NSL1: variants seen among roughly 807,000 people sequenced by gnomAD.
NSL1 encodes NSL1 component of MIS12 kinetochore complex.
NSL1 carries 11 observed loss-of-function variants against 25.4 expected under a neutral mutation model. The ratio of observed to expected loss-of-function variants is 0.43; its 90% CI spans 0.27 to 0.72. The LOEUF (loss-of-function observed/expected upper bound fraction) is 0.72, where lower values mean the gene tolerates loss of function less well. Ranked by LOEUF, NSL1 falls within the 30% of genes least tolerant of loss-of-function variation. NSL1 has a pLI of 0.19. For synonymous variants in NSL1, 118 were observed against 120.6 expected, an observed-to-expected ratio of 0.98 and a Z score of 0.14; for missense variants, 330 against 342.7, an observed-to-expected ratio of 0.96 and a Z score of 0.29.
intron 4 of NSL1, among the ~76,000 whole-genome samples, chr1:212,754,888 G>C (rs898907157): frequency 2.6e-5 from 4 of 151,996 alleles, no homozygotes; most frequent in African/African-American, 4.8e-5. Flanking sequence ...CCAAGCCTGG[G>C]CCTGGACCAA....
chr1:212,729,539 T>C lies in NSL1; in HGVS notation c.*8869A>G. 1.0e-6 allele frequency: 1 copy of C among 985,396 alleles called. No homozygotes were observed. Among genetic ancestry groups the C allele is most frequent in the Non-Finnish European group, 1.2e-6 (1 of 829,924 alleles). The allele number at this position is 985,396 out of a possible 1,614,324, so 61.0% of individuals were successfully genotyped here. Reference sequence around the variant, plus strand: ...CCTGGAGCAGGGGTGCCCTACAACTTTGCCCATTTTTATTATTCTGCCAGT... The same window carrying C: ...CCTGGAGCAGGGGTGCCCTACAACTCTGCCCATTTTTATTATTCTGCCAGT... On this transcript the variant is annotated 3_prime_UTR_variant, in exon 6 of 6. Transcript: ENST00000366977.
rs765677540 is a variant in NSL1, at chr1:212,727,193, T to C, written c.*11215A>G. 8 of 1,534,760 alleles carry C rather than the reference T, an allele frequency of 5.2e-6. No individual in the cohort carries two copies. The highest frequency in any genetic ancestry group is 1.4e-5 in the African/African-American group (1 of 71,366). On this transcript the variant is annotated 3_prime_UTR_variant, in exon 6 of 6. Transcript: ENST00000366977. ...CAGGCTTGGCTCCTAATGTGTTAAA[T>C]GGGGGTGAATGGAATTTAGAAGATC...
chr1:212,766,645 TAAA>T (rs1235557027), intron 4 of NSL1, among the ~76,000 whole-genome samples: 1 of 122,464 alleles, frequency 8.2e-6, no homozygotes, highest in Non-Finnish European at 1.7e-5. Flanking sequence ...GACTCCATCT[TAAA>T]AAAAAAAAAA....
chr1:212,737,390 G>GA lies in NSL1; in HGVS notation c.*1017dup. 3 of 984,400 alleles carry GA rather than the reference G, an allele frequency of 3.0e-6. No individual in the cohort carries two copies. The highest frequency in any genetic ancestry group is 3.6e-6 in the Non-Finnish European group (3 of 829,028). The allele number at this position is 984,400 out of a possible 1,614,324, so 61.0% of individuals were successfully genotyped here. On this transcript the variant is annotated 3_prime_UTR_variant, in exon 6 of 6. Coordinates refer to ENST00000366977, the MANE Select transcript of NSL1 (RefSeq NM_015471.4). ...AACCTCATGATCAGTAAATTCCTTT[G>GA]AAAAATGAATGAAGGTATCAGAGTC...
In NSL1 at chr1:212,731,588, T is replaced by A. The variant is rs951870752; in HGVS notation, c.*6820A>T. ...TCTATGAGGCTTCTATCAAAAATTATCAGTCCCTGGCCCAGTTCCCCCACC... is the reference window on the plus strand; with the variant it reads ...TCTATGAGGCTTCTATCAAAAATTAACAGTCCCTGGCCCAGTTCCCCCACC... On this transcript the variant is annotated 3_prime_UTR_variant, in exon 6 of 6. Transcript: ENST00000366977. 3.0e-6 allele frequency: 3 copies of A among 985,300 alleles called. No individual in the cohort carries two copies. The African/African-American group carries it at 5.2e-5, about 17-fold the overall frequency. 61.0% of individuals were successfully genotyped at this position (985,300 alleles called of 1,614,324 possible). A position where few individuals can be genotyped will look rare whatever the true frequency, so the allele number is the denominator to read the frequency against.
chr1:212,784,754 T>C (rs1254461653), intron 2 of NSL1, among the ~76,000 whole-genome samples: 3 of 151,544 alleles, frequency 2.0e-5, no homozygotes, highest in Non-Finnish European at 2.9e-5. Flanking sequence ...TCTCTAAGAG[T>C]TCACAGTTTG....
At position 212,764,868 on chromosome 1, in the gene NSL1, A is replaced by G. The variant is rs1414359660; in HGVS notation, c.499+17504T>C. On this transcript the variant is annotated intron_variant, in intron 4 of 5. Coordinates refer to ENST00000366977, the MANE Select transcript of NSL1 (RefSeq NM_015471.4). ...CAAAAAAAAAAAAAAAAAAAAAAAA[A>G]AAAGAAAGAAAGAAAAAAAAAAGAA... is the stretch of plus-strand genomic sequence containing the variant. Among the ~76,000 whole-genome samples the G allele has an allele frequency of 7.7e-3, 1,065 of 137,816 alleles. 7 individuals are homozygous for G. The highest frequency in any genetic ancestry group is 0.03 in the African/African-American group (1,015 of 34,162). The allele number at this position is 137,816 out of a possible 152,430, so 90.4% of individuals were successfully genotyped here.
In NSL1 at chr1:212,732,694, C is replaced by T. The variant is rs1658073647; in HGVS notation, c.*5714G>A. The T allele has an allele frequency of 4.1e-6, 4 of 979,436 alleles. No homozygotes were observed. The Admixed American group carries it at 2.5e-4, about 60-fold the overall frequency. The allele number at this position is 979,436 out of a possible 1,614,324, so 60.7% of individuals were successfully genotyped here. A position where few individuals can be genotyped will look rare whatever the true frequency, so the allele number is the denominator to read the frequency against. ...TGCTGTGTTTTGGGAGCCTTAGTTT[C>T]CCAGATCCCATGGCTGCTGCTTTTT... On this transcript the variant is annotated 3_prime_UTR_variant, in exon 6 of 6. Transcript: ENST00000366977.
rs1479814380 is a variant in NSL1, at chr1:212,727,431, C to T, written c.*10977G>A. 1.0e-6 allele frequency: 1 copy of T among 985,376 alleles called. No individual in the cohort carries two copies. Among genetic ancestry groups the T allele is most frequent in the Non-Finnish European group, 1.2e-6 (1 of 829,920 alleles). 61.0% of individuals were successfully genotyped at this position (985,376 alleles called of 1,614,324 possible). ...TCCAAAATATACTCCTTGTAACAGA[C>T]ATTACCTAAATTTGGAAAAGTGACA... On this transcript the variant is annotated 3_prime_UTR_variant, in exon 6 of 6. Coordinates refer to ENST00000366977, the MANE Select transcript of NSL1 (RefSeq NM_015471.4).
chr1:212,751,613 A>T (rs942010343), intron 4 of NSL1, among the ~76,000 whole-genome samples: 13 of 152,208 alleles, frequency 8.5e-5, no homozygotes, highest in African/African-American at 3.1e-4. Context: ...TATAGAATTA[A>T]ATGTTTAAAC....
Position 212,752,818 on chromosome 1 carries a change from T to C in NSL1, c.500-13217A>G, listed in dbSNP as rs548159522. ...GATTGAGTAATCAACCTAGTTTTGC[T>C]TTCAGGTCACTGTACTGACTAAACT... On this transcript the variant is annotated intron_variant, in intron 4 of 5. Transcript: ENST00000366977. 7.9e-5 allele frequency among the ~76,000 whole-genome samples: 12 copies of C among 152,206 alleles called. No individual in the cohort carries two copies. The South Asian group carries it at 2.5e-3, about 32-fold the overall frequency.
rs1039884486 is a variant in NSL1, at chr1:212,729,525, G to T, written c.*8883C>A. The T allele has an allele frequency of 7.7e-5, 76 of 985,222 alleles. No homozygotes were observed. The highest frequency in any genetic ancestry group is 8.8e-5 in the Non-Finnish European group (73 of 829,918). The allele number at this position is 985,222 out of a possible 1,614,324, so 61.0% of individuals were successfully genotyped here. ...TGGGGTGTATGGGACCTGGAGCAGG[G>T]GTGCCCTACAACTTTGCCCATTTTT... On this transcript the variant is annotated 3_prime_UTR_variant, in exon 6 of 6. Transcript: ENST00000366977.
intron 4 of NSL1, among the ~76,000 whole-genome samples, chr1:212,744,341 G>A (rs7527216): frequency 0.2 from 30,955 of 151,950 alleles, 3,944 homozygotes; most frequent in African/African-American, 0.37. Flanking sequence ...AAAAGCTTTA[G>A]AAAAGTCACT....
Position 212,730,224 on chromosome 1 carries a change from T to C in NSL1, c.*8184A>G, listed in dbSNP as rs569069516. ...GAGATCGCTCCACTACACTCCAGCC[T>C]GGGTGACAGTCTCAAAAAAAAAAAA... On this transcript the variant is annotated 3_prime_UTR_variant, in exon 6 of 6. Coordinates refer to ENST00000366977, the MANE Select transcript of NSL1 (RefSeq NM_015471.4). 1 of 918,820 alleles carries C rather than the reference T, an allele frequency of 1.1e-6. No homozygotes were observed. The highest frequency in any genetic ancestry group is 5.3e-5 in the South Asian group (1 of 18,954). The allele number at this position is 918,820 out of a possible 1,614,324, so 56.9% of individuals were successfully genotyped here. A position where few individuals can be genotyped will look rare whatever the true frequency, so the allele number is the denominator to read the frequency against.
In NSL1 at chr1:212,754,558, C is replaced by T. The variant is rs183037228; in HGVS notation, c.500-14957G>A. On this transcript the variant is annotated intron_variant, in intron 4 of 5. Transcript: ENST00000366977. ...TAAGGAGGCTGAGATGGGTGGATCACGTGAGGTCAGGAGTTGGAGACTAGC... is the reference window on the plus strand; with the variant it reads ...TAAGGAGGCTGAGATGGGTGGATCATGTGAGGTCAGGAGTTGGAGACTAGC... Among the ~76,000 whole-genome samples, 10 of 152,058 alleles carry T rather than the reference C, an allele frequency of 6.6e-5. No individual in the cohort carries two copies. The East Asian group carries it at 1.9e-3, about 29-fold the overall frequency.
chr1:212,779,293 G>A, intron 4 of NSL1, among the ~76,000 whole-genome samples: 1 of 138,362 alleles, frequency 7.2e-6, no homozygotes. Context: ...GTGGGGGTCA[G>A]CCCCCCGCCC....
At chr1:212,787,410 G>T in intron 2 of NSL1, 149 bp downstream of exon 2, 1 of 535,414 alleles carries the variant, frequency 1.9e-6, no homozygotes, top group Non-Finnish European at 3.3e-6. Flanking sequence ...GACTATTGAA[G>T]TCATAATCTC....
chr1:212,766,211 A>T, intron 4 of NSL1: 1 of 663,610 alleles, frequency 1.5e-6, no homozygotes, highest in Non-Finnish European at 2.7e-6. Flanking sequence ...AAAACCATAT[A>T]TGACAAATCC....
intron 4 of NSL1, among the ~76,000 whole-genome samples, chr1:212,752,684 T>A (rs1289924321): frequency 1.3e-5 from 2 of 152,234 alleles, no homozygotes; most frequent in Non-Finnish European, 1.5e-5. Flanking sequence ...AGGATATTTT[T>A]AAAAAGAGTT....
Sources: allele counts gnomAD v4.1 joint callset (sites outside exome capture counted in the v4.1 genomes callset), GRCh38; gene constraint gnomAD v4.1.1; transcripts MANE v1.5; gene names NCBI Gene and HGNC (gene_info 2026-07-23, HGNC 2026-07-21).